Variants in KMT2E observed in about 807,000 individuals in gnomAD.
KMT2E encodes the protein lysine methyltransferase 2E (inactive).
Under a neutral mutation model 184.6 loss-of-function variants are expected in KMT2E, and 30 were observed. That is an observed-to-expected ratio of 0.16 (90% CI 0.12 to 0.22). The LOEUF (loss-of-function observed/expected upper bound fraction) is 0.22, where lower values mean the gene tolerates loss of function less well. Ranked by LOEUF, KMT2E falls within the 10% of genes least tolerant of loss-of-function variation. KMT2E has a pLI of 1.00. For synonymous variants in KMT2E, 815 were observed against 776.5 expected (o/e 1.05, Z -0.82); for missense variants, 2,023 against 2,237.4 (o/e 0.90, Z 1.93).
chr7:105,093,757 A>G (rs999931391), intron 15 of KMT2E, among the ~76,000 whole-genome samples: 6 of 152,302 alleles, frequency 3.9e-5, no homozygotes, highest in South Asian at 4.1e-4. Flanking sequence ...ATATTGGCTT[A>G]CTTACTTGGA....
chr7:105,051,765 C>T (rs574512696), intron 3 of KMT2E, among the ~76,000 whole-genome samples: 5 of 151,832 alleles, frequency 3.3e-5, no homozygotes, highest in South Asian at 2.1e-4. Context: ...ACTACAGGTG[C>T]GCGCCACCAC....
At chr7:105,096,670 G>A (rs1798425378) in intron 15 of KMT2E, among the ~76,000 whole-genome samples, 1 of 152,188 alleles carries the variant, frequency 6.6e-6, no homozygotes, top group Non-Finnish European at 1.5e-5. Context: ...GGGCAAAAAA[G>A]TAGACCATCA....
At chr7:105,022,362 T>G (rs2129564046) in intron 1 of KMT2E, among the ~76,000 whole-genome samples, 1 of 152,272 alleles carries the variant, frequency 6.6e-6, no homozygotes, top group Middle Eastern at 3.4e-3. Flanking sequence ...AGGCTTATTA[T>G]TTATATATTG....
In KMT2E at chr7:105,113,462, G is replaced by A; in HGVS notation, c.*129G>A. 9.6e-7 allele frequency: 1 copy of A among 1,044,968 alleles called. No individual in the cohort carries two copies. The highest frequency in any genetic ancestry group is 1.3e-6 in the Non-Finnish European group (1 of 759,912). The allele number at this position is 1,044,968 out of a possible 1,614,324, so 64.7% of individuals were successfully genotyped here. A position where few individuals can be genotyped will look rare whatever the true frequency, so the allele number is the denominator to read the frequency against. On this transcript the variant is annotated 3_prime_UTR_variant, in exon 27 of 27. Transcript: ENST00000311117. ...TAAAAAACACCAGTGCTCTTTCGTT[G>A]TATTTTTCTCATTTTTGCTTTTTAA...
chr7:105,110,668 AT>A, intron 25 of KMT2E, 66 bp downstream of exon 25: 1 of 1,607,086 alleles, frequency 6.2e-7, no homozygotes, highest in Non-Finnish European at 8.5e-7. Context: ...GAGAGCCTTT[AT>A]AAAAAGTTGG....
intron 3 of KMT2E, among the ~76,000 whole-genome samples, chr7:105,055,140 C>T (rs1796525800): frequency 6.6e-6 from 1 of 150,966 alleles, no homozygotes; most frequent in Non-Finnish European, 1.5e-5. Context: ...TACTACTCCA[C>T]TTACATCATT....
intron 17 of KMT2E, chr7:105,105,025 A>T (rs550526605): frequency 6.5e-6 from 1 of 154,136 alleles, no homozygotes; most frequent in African/African-American, 2.4e-5. Context: ...AAAATTAGCC[A>T]GGCGTGGTGG....
intron 15 of KMT2E, among the ~76,000 whole-genome samples, chr7:105,092,493 C>T (rs147336896): frequency 9.9e-5 from 15 of 152,084 alleles, no homozygotes; most frequent in African/African-American, 3.4e-4. Context: ...ATTATTGATA[C>T]TCAAAATTCT....
intron 3 of KMT2E, among the ~76,000 whole-genome samples, chr7:105,057,640 G>A (rs139869776): frequency 2.0e-5 from 3 of 152,034 alleles, no homozygotes; most frequent in Admixed American, 6.6e-5. Flanking sequence ...TTTGATAGAG[G>A]TGGGATCTTG....
In KMT2E at chr7:105,113,319, T is replaced by G. The variant is rs1171879420; in HGVS notation, c.5563T>G (p.Ser1855Ala). Residue 1855 changes from serine to alanine, a missense_variant, in exon 27 of 27, where the codon TCA (serine) becomes GCA (alanine). By Grantham distance (99) the Ser-to-Ala change is moderately conservative. Transcript: ENST00000311117. Reference sequence around the variant, plus strand: ...AACATTTCAAAACAATTACCATGGGTCAGGGTGGCATTAAAATGGACTCCA... The same window carrying G: ...AACATTTCAAAACAATTACCATGGGGCAGGGTGGCATTAAAATGGACTCCA... Reference protein sequence around the residue: ...PPTFQNNYHGSGWH With the variant: ...PPTFQNNYHGAGWH The G allele has an allele frequency of 6.2e-7, 1 of 1,606,756 alleles. No individual in the cohort carries two copies. Among genetic ancestry groups the G allele is most frequent in the Non-Finnish European group, 8.5e-7 (1 of 1,174,476 alleles).
At chr7:105,077,486 T>C (rs1181357288) in intron 11 of KMT2E, 53 bp downstream of exon 11, 21 of 1,439,776 alleles carry the variant, frequency 1.5e-5, no homozygotes, top group Non-Finnish European at 2.0e-5. Context: ...TATTGAACTT[T>C]TGGCTGTTTT....
intron 15 of KMT2E, among the ~76,000 whole-genome samples, chr7:105,092,871 G>A (rs760036605): frequency 6.6e-6 from 1 of 151,980 alleles, no homozygotes; most frequent in Non-Finnish European, 1.5e-5. Flanking sequence ...AAGGGCTGTA[G>A]TGACCACTTT....
intron 14 of KMT2E, among the ~76,000 whole-genome samples, chr7:105,090,683 A>G (rs904214863): frequency 6.6e-6 from 1 of 152,196 alleles, no homozygotes; most frequent in African/African-American, 2.4e-5. Context: ...TTTGAGAGAA[A>G]ATTCACTAAG....
chr7:105,058,703 A>G (rs1796670296), intron 3 of KMT2E, among the ~76,000 whole-genome samples: 1 of 152,212 alleles, frequency 6.6e-6, no homozygotes, highest in East Asian at 1.9e-4. Context: ...GGTTTTGACC[A>G]TACCTTATTG....
chr7:105,046,175 G>T (rs1050832423), intron 3 of KMT2E, among the ~76,000 whole-genome samples: 23 of 151,322 alleles, frequency 1.5e-4, no homozygotes, highest in Admixed American at 1.3e-3. Context: ...TCTTTCCCTC[G>T]TCCTCTCTAA....
chr7:105,043,466 G>A (rs1296675698), intron 3 of KMT2E, among the ~76,000 whole-genome samples: 1 of 151,784 alleles, frequency 6.6e-6, no homozygotes, highest in African/African-American at 2.4e-5. Context: ...TCGATCTCCT[G>A]ACCTCGTGAT....
At chr7:105,058,138 G>GT (rs1329472648) in intron 3 of KMT2E, among the ~76,000 whole-genome samples, 1 of 152,188 alleles carries the variant, frequency 6.6e-6, no homozygotes, top group Non-Finnish European at 1.5e-5. Context: ...CTGGTGTCAT[G>GT]TAATATTCTA....
intron 1 of KMT2E, among the ~76,000 whole-genome samples, chr7:105,027,561 G>A (rs771691141): frequency 9.9e-5 from 15 of 152,102 alleles, no homozygotes; most frequent in Non-Finnish European, 2.1e-4. Context: ...TTTCTTATTG[G>A]ATATGTGGAT....
chr7:105,018,483 A>G (rs568340453), intron 1 of KMT2E, among the ~76,000 whole-genome samples: 1 of 152,290 alleles, frequency 6.6e-6, no homozygotes, highest in Non-Finnish European at 1.5e-5. Context: ...TTACATCTCA[A>G]ATATGTAGGG....
Sources: allele counts gnomAD v4.1 joint callset (sites outside exome capture counted in the v4.1 genomes callset), GRCh38; gene constraint gnomAD v4.1.1; transcripts MANE v1.5; gene names NCBI Gene and HGNC (gene_info 2026-07-23, HGNC 2026-07-21).